The following RBPJ variants were observed in gnomAD, a reference collection of about 807,000 sequenced individuals.
The protein encoded by RBPJ is recombining binding protein suppressor of hairless.
RBPJ carries 9 observed loss-of-function variants against 67.8 expected under a neutral mutation model. The observed-to-expected ratio is 0.13, with a 90% confidence interval of 0.08 to 0.23. The LOEUF (loss-of-function observed/expected upper bound fraction) is 0.23, where lower values mean the gene tolerates loss of function less well. Ranked by LOEUF, RBPJ falls within the 10% of genes least tolerant of loss-of-function variation. The pLI is 1.00. For synonymous variants in RBPJ, 198 were observed against 203.3 expected (o/e 0.97, Z 0.22); for missense variants, 305 against 595.6 (o/e 0.51, Z 5.08).
At chr4:26,369,531 G>A (rs1728950368) in intron 1 of RBPJ, among the ~76,000 whole-genome samples, 2 of 152,220 alleles carry the variant, frequency 1.3e-5, no homozygotes, top group Admixed American at 1.3e-4. Flanking sequence ...GAAGCAAAAT[G>A]TGGAAAGAGT....
chr4:26,108,658 G>A, the RBPJ span, among the ~76,000 whole-genome samples: 1 of 152,306 alleles, frequency 6.6e-6, no homozygotes, highest in East Asian at 1.9e-4. Flanking sequence ...AAAATGCATA[G>A]AACAGTGACT....
intron 1 of RBPJ, among the ~76,000 whole-genome samples, chr4:26,197,231 A>G (rs1717800130): frequency 6.6e-6 from 1 of 152,074 alleles, no homozygotes; most frequent in African/African-American, 2.4e-5. Context: ...TGGTTATGAT[A>G]AGATCTACTC....
chr4:26,305,670 A>G (rs1006269398), intron 1 of RBPJ, among the ~76,000 whole-genome samples: 1 of 151,702 alleles, frequency 6.6e-6, no homozygotes, highest in Non-Finnish European at 1.5e-5. Flanking sequence ...TATATAGAAT[A>G]CAATTTTTTT....
chr4:26,211,351 C>T (rs1161689394), intron 1 of RBPJ, among the ~76,000 whole-genome samples: 2 of 152,114 alleles, frequency 1.3e-5, no homozygotes, highest in Non-Finnish European at 2.9e-5. Flanking sequence ...CATAAACCTC[C>T]AGGGAATTGG....
At chr4:26,202,765 T>C (rs76267948) in intron 1 of RBPJ, among the ~76,000 whole-genome samples, 1 of 151,818 alleles carries the variant, frequency 6.6e-6, no homozygotes, top group Non-Finnish European at 1.5e-5. Flanking sequence ...AAAAACTAGC[T>C]GGGCATGGTG....
At position 26,415,393 on chromosome 4, in the gene RBPJ, T is replaced by C. The variant is rs2109784315; in HGVS notation, c.156-82T>C. 3 of 1,201,816 alleles carry C rather than the reference T, an allele frequency of 2.5e-6. No homozygotes were observed. The East Asian group carries it at 7.3e-5, about 29-fold the overall frequency. The allele number at this position is 1,201,816 out of a possible 1,614,324, so 74.4% of individuals were successfully genotyped here. On this transcript the variant is annotated intron_variant, in intron 3 of 10. Transcript: ENST00000355476. ...GCATTTCAATATGATTTTGTATTCA[T>C]AATGTTCAAGGAAAGGAAATGCTTT...
chr4:26,172,210 T>G (rs376209312), intron 1 of RBPJ, among the ~76,000 whole-genome samples: 1 of 152,022 alleles, frequency 6.6e-6, no homozygotes, highest in East Asian at 1.9e-4. Flanking sequence ...AAAGAAAGAC[T>G]ACAGAGGTCC....
chr4:26,305,263 A>G (rs1473224537), intron 1 of RBPJ, among the ~76,000 whole-genome samples: 1 of 152,228 alleles, frequency 6.6e-6, no homozygotes, highest in African/African-American at 2.4e-5. Context: ...TGAAATGCGG[A>G]AATATCAGTC....
the RBPJ span, among the ~76,000 whole-genome samples, chr4:26,108,704 C>G: frequency 7.2e-5 from 11 of 152,198 alleles, no homozygotes; most frequent in Non-Finnish European, 1.5e-4. Flanking sequence ...CAGCTATGTT[C>G]TGGTAAGGGG....
At chr4:26,319,780 G>A (rs1441110068), upstream of RBPJ, 1 of 1,222,534 alleles carries the variant, frequency 8.2e-7, no homozygotes, top group African/African-American at 1.5e-5. Flanking sequence ...GGTTTCGGGC[G>A]GCGAATTCCA....
chr4:26,231,914 C>T (rs546040626), intron 1 of RBPJ, among the ~76,000 whole-genome samples: 1 of 150,200 alleles, frequency 6.7e-6, no homozygotes, highest in Non-Finnish European at 1.5e-5. Context: ...TTTTTTTAGA[C>T]AGAGTCTCAC....
intron 1 of RBPJ, among the ~76,000 whole-genome samples, chr4:26,192,893 T>G (rs930338619): frequency 1.2e-4 from 19 of 152,200 alleles, no homozygotes; most frequent in Non-Finnish European, 2.8e-4. Context: ...TGTGATTACA[T>G]TAGAGATCCT....
At chr4:26,374,630 C>G (rs1729521529) in intron 1 of RBPJ, among the ~76,000 whole-genome samples, 1 of 152,062 alleles carries the variant, frequency 6.6e-6, no homozygotes, top group African/African-American at 2.4e-5. Flanking sequence ...TGCGCACCAC[C>G]ATGCCCAGCT....
rs914101224 is a variant in RBPJ at position 26,264,162 on chromosome 4, C to T, written c.-166-98284C>T. Among the ~76,000 whole-genome samples, 6 of 152,130 alleles carry T rather than the reference C, an allele frequency of 3.9e-5. No homozygotes were observed. The highest frequency in any genetic ancestry group is 9.7e-5 in the African/African-American group (4 of 41,404). ...CCTCCCAAAGTGCTGGGATTACAGG[C>T]GTGAGCCACGGCGCCTGGCAGACAG... On this transcript the variant is annotated intron_variant, in intron 1 of 4. Transcript: ENST00000512351. The surrounding 1 kb of genome is among the most constrained non-coding windows in gnomAD (Gnocchi z 4.1).
At chr4:26,150,383 T>A in the RBPJ span, among the ~76,000 whole-genome samples, 1 of 152,296 alleles carries the variant, frequency 6.6e-6, no homozygotes, top group South Asian at 2.1e-4. Context: ...AAACCAGGCC[T>A]TTTCACCCCC....
At chr4:26,242,304 C>T (rs1398104107) in intron 1 of RBPJ, among the ~76,000 whole-genome samples, 2 of 151,908 alleles carry the variant, frequency 1.3e-5, no homozygotes, top group African/African-American at 2.4e-5. Flanking sequence ...ACAAATTAGC[C>T]GGGCATGGTG....
chr4:26,146,989 G>A, the RBPJ span, among the ~76,000 whole-genome samples: 15 of 152,206 alleles, frequency 9.9e-5, no homozygotes, highest in East Asian at 1.9e-4. Context: ...CAACGGCTCC[G>A]TCAAAGTAGG....
chr4:26,201,003 T>C (rs900631370), intron 1 of RBPJ, among the ~76,000 whole-genome samples: 3 of 152,218 alleles, frequency 2.0e-5, no homozygotes, highest in African/African-American at 2.4e-5. Flanking sequence ...CAAAACCAAA[T>C]TGAATGAATG....
At chr4:26,181,451 T>C (rs1417804612) in intron 1 of RBPJ, among the ~76,000 whole-genome samples, 1 of 152,214 alleles carries the variant, frequency 6.6e-6, no homozygotes, top group Non-Finnish European at 1.5e-5. Context: ...CCATACCTCC[T>C]TGGGCCACAA....
Sources: allele counts gnomAD v4.1 joint callset (sites outside exome capture counted in the v4.1 genomes callset), GRCh38; gene constraint gnomAD v4.1.1; non-coding constraint Gnocchi (gnomAD v3.1); transcripts MANE v1.5; gene names NCBI Gene and HGNC (gene_info 2026-07-23, HGNC 2026-07-21).